Variants in APBA1 observed in about 807,000 individuals in gnomAD.
APBA1 encodes the protein amyloid-beta A4 precursor protein-binding family A member 1.
Under a neutral mutation model 86.6 loss-of-function variants are expected in APBA1, and 55 were observed. The ratio of observed to expected loss-of-function variants is 0.64; its 90% CI spans 0.51 to 0.80. The LOEUF (loss-of-function observed/expected upper bound fraction) is 0.80. Among genes scored for constraint, APBA1 ranks in the 30% least tolerant of loss-of-function variants. APBA1 has a pLI of 0.00. For synonymous variants in APBA1, 511 were observed against 493.9 expected, an observed-to-expected ratio of 1.03 and a Z score of -0.46; for missense variants, 1,090 against 1,183.0, an observed-to-expected ratio of 0.92 and a Z score of 1.15.
chr9:69,450,771 A>C (rs116366038), intron 9 of APBA1, among the ~76,000 whole-genome samples: 1 of 152,134 alleles, frequency 6.6e-6, no homozygotes, highest in Admixed American at 6.5e-5. Flanking sequence ...CTCTAATCCA[A>C]TATTACTCAT....
chr9:69,668,825 C>A (rs1016930773), intron 1 of APBA1, among the ~76,000 whole-genome samples: 2 of 152,252 alleles, frequency 1.3e-5, no homozygotes, highest in African/African-American at 2.4e-5. Flanking sequence ...CCCAAGCATG[C>A]CCTTCCTTCT....
chr9:69,468,304 A>G (rs1835312904), intron 4 of APBA1, among the ~76,000 whole-genome samples: 1 of 152,118 alleles, frequency 6.6e-6, no homozygotes, highest in Admixed American at 6.5e-5. Flanking sequence ...TGTGACATTC[A>G]CCTCTGACTC....
chr9:69,499,662 G>A (rs1359547639), intron 2 of APBA1, among the ~76,000 whole-genome samples: 1 of 108,412 alleles, frequency 9.2e-6, no homozygotes, highest in African/African-American at 3.2e-5. Context: ...TCCTAGCAAC[G>A]GTCCAAAAAA....
intron 1 of APBA1, among the ~76,000 whole-genome samples, chr9:69,642,834 T>C (rs183305929): frequency 1.6e-3 from 237 of 151,940 alleles, no homozygotes; most frequent in African/African-American, 5.6e-3. Context: ...CAAGAAGGAA[T>C]TCTCCCAGCA....
chr9:69,450,063 T>G (rs1202990784), intron 9 of APBA1, among the ~76,000 whole-genome samples: 6 of 145,700 alleles, frequency 4.1e-5, no homozygotes, highest in Admixed American at 6.7e-5. Flanking sequence ...CCAGTTTTTT[T>G]TTTTTTTTTT....
At chr9:69,565,667 C>G (rs142439205) in intron 1 of APBA1, among the ~76,000 whole-genome samples, 1 of 152,274 alleles carries the variant, frequency 6.6e-6, no homozygotes, top group East Asian at 1.9e-4. Flanking sequence ...GTTCATCCTC[C>G]CCTCTTATTC....
chr9:69,443,263 G>A (rs923098475), intron 10 of APBA1, among the ~76,000 whole-genome samples: 1 of 152,172 alleles, frequency 6.6e-6, no homozygotes, highest in African/African-American at 2.4e-5. Context: ...AGATGATTCA[G>A]GTGCACGCTC....
intron 1 of APBA1, among the ~76,000 whole-genome samples, chr9:69,607,957 A>C (rs1016297465): frequency 7.2e-5 from 11 of 152,244 alleles, no homozygotes; most frequent in African/African-American, 2.2e-4. Flanking sequence ...CCTGTCACAT[A>C]ATAACAGCAA....
intron 1 of APBA1, among the ~76,000 whole-genome samples, chr9:69,666,689 A>C (rs1823846633): frequency 6.6e-6 from 1 of 152,198 alleles, no homozygotes; most frequent in African/African-American, 2.4e-5. Flanking sequence ...TGGAATCATG[A>C]CATAATCCCA....
intron 2 of APBA1, among the ~76,000 whole-genome samples, chr9:69,505,584 ACAC>A (rs1251822832): frequency 2.0e-5 from 3 of 152,130 alleles, no homozygotes; most frequent in Admixed American, 1.3e-4. Flanking sequence ...TTCAAGCTGT[ACAC>A]CACACCACTT....
intron 10 of APBA1, among the ~76,000 whole-genome samples, chr9:69,444,872 C>T (rs567546450): frequency 6.6e-6 from 1 of 152,296 alleles, no homozygotes; most frequent in East Asian, 1.9e-4. Context: ...GGATAAGAGA[C>T]ATTATCAGTA....
chr9:69,430,198 G>C lies in APBA1; in HGVS notation c.*1129C>G, dbSNP rs990465065. The stretch of plus-strand genomic sequence containing the variant: ...CATCCGCCTAGTGGCCCTGAGCAGA[G>C]AAGAAAGTTGGTCTTGCCTTGGGCC... On this transcript the variant is annotated 3_prime_UTR_variant, in exon 13 of 13. Coordinates refer to ENST00000265381, the MANE Select transcript of APBA1 (RefSeq NM_001163.4). The C allele has an allele frequency of 2.6e-5, 4 of 152,396 alleles. No individual in the cohort carries two copies. The highest frequency in any genetic ancestry group is 4.1e-4 in the South Asian group (2 of 4,834). 9.4% of individuals were successfully genotyped at this position (152,396 alleles called of 1,614,324 possible). A position where few individuals can be genotyped will look rare whatever the true frequency, so the allele number is the denominator to read the frequency against.
intron 1 of APBA1, among the ~76,000 whole-genome samples, chr9:69,523,550 CACA>C (rs1564066287): frequency 3.2e-4 from 43 of 135,754 alleles, no homozygotes; most frequent in African/African-American, 1.1e-3. Flanking sequence ...CACACACACA[CACA>C]CCCAACATTA....
chr9:69,494,022 C>T (rs1419350975), intron 2 of APBA1, among the ~76,000 whole-genome samples: 4 of 151,756 alleles, frequency 2.6e-5, no homozygotes, highest in Non-Finnish European at 4.4e-5. Flanking sequence ...TTCTAAGAAT[C>T]GAAACTGGTT....
chr9:69,531,987 ATG>A (rs1836440864), intron 1 of APBA1, among the ~76,000 whole-genome samples: 1 of 152,190 alleles, frequency 6.6e-6, no homozygotes. Context: ...AAATAAGCTA[ATG>A]TAGCTCTAAG....
At position 69,471,526 on chromosome 9, in the gene APBA1, T is replaced by C. The variant is rs1588304500; in HGVS notation, c.1336+130A>G. ...TTTGAGTCTAAGATCCTAAGACTGC[T>C]AACATTGTGAATAAGTGACTTTGTG... On this transcript the variant is annotated intron_variant, in intron 4 of 12. Transcript: ENST00000265381. 5 of 771,316 alleles carry C rather than the reference T, an allele frequency of 6.5e-6. No individual in the cohort carries two copies. In the East Asian group the frequency reaches 1.3e-4, roughly 20 times the overall value. 47.8% of individuals were successfully genotyped at this position (771,316 alleles called of 1,614,324 possible). A position where few individuals can be genotyped will look rare whatever the true frequency, so the allele number is the denominator to read the frequency against.
chr9:69,449,535 C>T (rs1834965698), intron 10 of APBA1, 49 bp downstream of exon 10: 1 of 1,521,190 alleles, frequency 6.6e-7, no homozygotes, highest in South Asian at 1.1e-5. Context: ...TCACACTTCA[C>T]ATCACTTGAG....
chr9:69,432,797 C>A, intron 11 of APBA1, 121 bp from the exon 12 acceptor site: 1 of 1,059,828 alleles, frequency 9.4e-7, no homozygotes, highest in Non-Finnish European at 1.3e-6. Flanking sequence ...CATGGTTAGG[C>A]TTTGGGCATT....
chr9:69,463,169 T>A (rs1369150726), intron 5 of APBA1: 1 of 152,230 alleles, frequency 6.6e-6, no homozygotes, highest in Non-Finnish European at 1.5e-5. Flanking sequence ...TTGTGGTAGA[T>A]GGAAAAGCCT....
Sources: allele counts gnomAD v4.1 joint callset (sites outside exome capture counted in the v4.1 genomes callset), GRCh38; gene constraint gnomAD v4.1.1; transcripts MANE v1.5; gene names NCBI Gene and HGNC (gene_info 2026-07-23, HGNC 2026-07-21).